Variants in COBLL1 observed in about 807,000 individuals in gnomAD.
COBLL1 encodes the protein cordon-bleu WH2 repeat protein like 1.
In COBLL1, 50 loss-of-function variants were observed where a neutral mutation model predicts 94.8. The ratio of observed to expected loss-of-function variants is 0.53; its 90% confidence interval spans 0.42 to 0.67. The LOEUF (loss-of-function observed/expected upper bound fraction) is 0.67, where lower values mean the gene tolerates loss of function less well. COBLL1 is among the 30% of genes least tolerant of loss of function. The pLI is 0.00. For missense variants in COBLL1, 1,362 were observed against 1,348.7 expected, an observed-to-expected ratio of 1.01 and a Z score of -0.15; for synonymous variants, 448 against 473.8, an observed-to-expected ratio of 0.95 and a Z score of 0.71.
intron 2 of COBLL1, among the ~76,000 whole-genome samples, chr2:164,831,094 G>A (rs374237170): frequency 4.6e-5 from 7 of 152,236 alleles, no homozygotes; most frequent in South Asian, 2.1e-4. Context: ...AGGCCAAGGC[G>A]GGTGGTTCAC....
chr2:164,714,871 C>T (rs140043337), intron 7 of COBLL1, among the ~76,000 whole-genome samples: 69 of 152,202 alleles, frequency 4.5e-4, no homozygotes, highest in African/African-American at 1.4e-3. Context: ...TAGAGAGGTA[C>T]GACTTTTTAC....
chr2:164,793,464 A>C (rs1240513463), intron 2 of COBLL1, among the ~76,000 whole-genome samples: 2 of 152,164 alleles, frequency 1.3e-5, no homozygotes, highest in Admixed American at 1.3e-4. Flanking sequence ...TGTTATTTTG[A>C]CATACGTTTT....
At chr2:164,805,329 CTCTCTCTCTA>C (rs1237997052) in intron 2 of COBLL1, among the ~76,000 whole-genome samples, 92 of 22,646 alleles carry the variant, frequency 4.1e-3, no homozygotes, top group South Asian at 0.011. Flanking sequence ...CTCTCTCTCT[CTCTCTCTCTA>C]TATATATATA....
At chr2:164,818,751 T>G (rs1314617764) in intron 2 of COBLL1, among the ~76,000 whole-genome samples, 1 of 147,356 alleles carries the variant, frequency 6.8e-6, no homozygotes, top group East Asian at 1.9e-4. Flanking sequence ...ATATAGTATA[T>G]ATATGTACTT....
At chr2:164,824,316 G>A (rs979377070) in intron 2 of COBLL1, among the ~76,000 whole-genome samples, 1 of 151,910 alleles carries the variant, frequency 6.6e-6, no homozygotes, top group Non-Finnish European at 1.5e-5. Flanking sequence ...GGGAGGTGGA[G>A]GTTGCAGTAA....
chr2:164,787,798 A>G (rs1301475993), intron 2 of COBLL1, among the ~76,000 whole-genome samples: 1 of 152,190 alleles, frequency 6.6e-6, no homozygotes, highest in African/African-American at 2.4e-5. Flanking sequence ...TGTATTTACT[A>G]TAATAATAGC....
At chr2:164,678,438 AC>A (rs1342150911), downstream of COBLL1, among the ~76,000 whole-genome samples, 2 of 152,170 alleles carry the variant, frequency 1.3e-5, no homozygotes, top group Admixed American at 1.3e-4. Flanking sequence ...CTGAAACCAT[AC>A]AAAAAACTTC....
intron 13 of COBLL1, among the ~76,000 whole-genome samples, chr2:164,686,925 A>C (rs1313678352): frequency 6.6e-6 from 1 of 152,252 alleles, no homozygotes; most frequent in Admixed American, 6.5e-5. Context: ...TTAACCGAGT[A>C]AATTGGTTAA....
At chr2:164,813,073 T>C (rs919715402) in intron 2 of COBLL1, among the ~76,000 whole-genome samples, 4 of 152,080 alleles carry the variant, frequency 2.6e-5, no homozygotes, top group African/African-American at 9.7e-5. Flanking sequence ...TAAACAACTT[T>C]TCTAAAATTA....
Position 164,694,260 on chromosome 2 carries a change from T to C in COBLL1, c.3123+9A>G. Reference sequence around the variant, plus strand: ...TTTGAATACTTATTTTTAAAAAGGCTACAGTTACCTTATCAGACACACCAA... The same window carrying C: ...TTTGAATACTTATTTTTAAAAAGGCCACAGTTACCTTATCAGACACACCAA... On this transcript the variant is annotated intron_variant, in intron 12 of 13. Transcript: ENST00000652658. The C allele has an allele frequency of 6.2e-7, 1 of 1,605,040 alleles. No homozygotes were observed. Among genetic ancestry groups the C allele is most frequent in the Non-Finnish European group, 8.5e-7 (1 of 1,175,980 alleles).
At chr2:164,754,081 G>A (rs1003968750) in intron 2 of COBLL1, among the ~76,000 whole-genome samples, 3 of 151,970 alleles carry the variant, frequency 2.0e-5, no homozygotes, top group African/African-American at 4.8e-5. Context: ...AATACAGATC[G>A]GGTATTTCCA....
At chr2:164,804,870 G>C (rs561200092) in intron 2 of COBLL1, among the ~76,000 whole-genome samples, 1 of 152,116 alleles carries the variant, frequency 6.6e-6, no homozygotes, top group African/African-American at 2.4e-5. Context: ...CACCACACAT[G>C]GACTCTCTGA....
At chr2:164,747,570 A>G (rs1352238771) in intron 2 of COBLL1, among the ~76,000 whole-genome samples, 3 of 152,020 alleles carry the variant, frequency 2.0e-5, no homozygotes, top group Non-Finnish European at 2.9e-5. Context: ...TGCATCCTCT[A>G]TCTCCCAGGT....
intron 9 of COBLL1, chr2:164,703,046 G>T: frequency 1.1e-6 from 1 of 951,280 alleles, no homozygotes; most frequent in Non-Finnish European, 1.7e-6. Flanking sequence ...ATTTACAGTC[G>T]ATGATATCTT....
intron 11 of COBLL1, among the ~76,000 whole-genome samples, chr2:164,698,458 A>AC: frequency 1.3e-5 from 2 of 151,452 alleles, no homozygotes; most frequent in Non-Finnish European, 3.0e-5. Context: ...TATGAATACT[A>AC]CATCCTAAGT....
chr2:164,822,522 C>T (rs73015548), intron 2 of COBLL1, among the ~76,000 whole-genome samples: 5,797 of 152,064 alleles, frequency 0.038, 359 homozygotes, highest in African/African-American at 0.13. Context: ...CTGCCCCTGA[C>T]GAAGGTAGTA....
chr2:164,779,904 T>C (rs1427640255), intron 2 of COBLL1: 1 of 284,780 alleles, frequency 3.5e-6, no homozygotes. Flanking sequence ...TATGGGAATG[T>C]TCTCATATTG....
At chr2:164,661,314 C>T (rs544825480) in intron 2 of COBLL1, among the ~76,000 whole-genome samples, 272 of 151,990 alleles carry the variant, frequency 1.8e-3, no homozygotes, top group African/African-American at 6.3e-3. Flanking sequence ...AATTATTTGC[C>T]ACATGACAGG....
chr2:164,800,203 T>A (rs1036243233), intron 2 of COBLL1, among the ~76,000 whole-genome samples: 1 of 152,148 alleles, frequency 6.6e-6, no homozygotes, highest in Non-Finnish European at 1.5e-5. Flanking sequence ...GTATCCAGAA[T>A]ATATAAAGAA....
Sources: allele counts gnomAD v4.1 joint callset (sites outside exome capture counted in the v4.1 genomes callset), GRCh38; gene constraint gnomAD v4.1.1; transcripts MANE v1.5; gene names NCBI Gene and HGNC (gene_info 2026-07-23, HGNC 2026-07-21).